CELF2: variants seen among roughly 807,000 people sequenced by gnomAD.
CELF2 encodes CUG triplet repeat RNA-binding protein 2.
In CELF2, 8 loss-of-function variants were observed where a neutral mutation model predicts 62.6. The observed-to-expected ratio is 0.13, with a 90% CI of 0.07 to 0.23. CELF2 has a LOEUF of 0.23. Among genes scored for constraint, CELF2 ranks in the 10% least tolerant of loss-of-function variants. The pLI is 1.00. For missense variants in CELF2, 333 were observed against 671.0 expected (o/e 0.50, Z 5.56); for synonymous variants, 258 against 250.0 (o/e 1.03, Z -0.30).
intron 2 of CELF2, among the ~76,000 whole-genome samples, chr10:11,205,390 C>T (rs73577498): frequency 0.018 from 2,703 of 152,304 alleles, 82 homozygotes; most frequent in African/African-American, 0.062. Flanking sequence ...TAGGGCTCAG[C>T]GCTCTATGGA....
chr10:11,241,551 G>C, intron 3 of CELF2, among the ~76,000 whole-genome samples: 1 of 152,196 alleles, frequency 6.6e-6, no homozygotes, highest in African/African-American at 2.4e-5. Flanking sequence ...TATTCTTTTA[G>C]AGATGTCCTT....
Position 11,247,330 on chromosome 10 carries a change from G to A in CELF2, c.355-1823G>A, listed in dbSNP as rs2075893192. Reference sequence around the variant, plus strand: ...CTCACACTGGGAGCTCCCTGTGAGAGGGAACTGTCACCCTTCCACTTCCTG... The same window carrying A: ...CTCACACTGGGAGCTCCCTGTGAGAAGGAACTGTCACCCTTCCACTTCCTG... On this transcript the variant is annotated intron_variant, in intron 3 of 12. Transcript: ENST00000633077. The surrounding 1 kb of genome is among the most constrained non-coding windows in gnomAD (Gnocchi z 5.4). 6.6e-6 allele frequency among the ~76,000 whole-genome samples: 1 copy of A among 152,230 alleles called. No homozygotes were observed. The highest frequency in any genetic ancestry group is 6.5e-5 in the Admixed American group (1 of 15,290).
chr10:10,968,489 T>C (rs894894833), intron 2 of CELF2, among the ~76,000 whole-genome samples: 2 of 152,230 alleles, frequency 1.3e-5, no homozygotes, highest in African/African-American at 4.8e-5. Flanking sequence ...GAGCACTTAT[T>C]GTTTCTAAAA....
rs1010907897 is a variant in CELF2, at chr10:11,184,655, G to A, written c.271+18973G>A. On this transcript the variant is annotated intron_variant, in intron 2 of 12. Coordinates refer to ENST00000633077, the MANE Select transcript of CELF2 (RefSeq NM_001326342.2). The stretch of plus-strand genomic sequence containing the variant: ...TATCCCTAGGTGTTTTATATTTTCC[G>A]TGGTCTTCTAACTAATTTTATTCTA... Among the ~76,000 whole-genome samples, 4 of 152,206 alleles carry A rather than the reference G, an allele frequency of 2.6e-5. 1 individual carries two copies. Among genetic ancestry groups the A allele is most frequent in the Admixed American group, 2.0e-4 (3 of 15,296 alleles).
rs1306085125 is a variant in CELF2, at chr10:11,334,217, G to T, written c.*5164G>T. On this transcript the variant is annotated 3_prime_UTR_variant, in exon 13 of 13. Transcript: ENST00000633077. Reference sequence around the variant, plus strand: ...TTAGGGTTTGCTTTTTTGCTGTTTAGATCAAAGTTTTTTCTGATTCTTCTG... The same window carrying T: ...TTAGGGTTTGCTTTTTTGCTGTTTATATCAAAGTTTTTTCTGATTCTTCTG... The T allele has an allele frequency of 6.6e-6, 1 of 152,620 alleles. No homozygotes were observed. The highest frequency in any genetic ancestry group is 1.5e-5 in the Non-Finnish European group (1 of 68,034). 9.5% of individuals were successfully genotyped at this position (152,620 alleles called of 1,614,324 possible). A position where few individuals can be genotyped will look rare whatever the true frequency, so the allele number is the denominator to read the frequency against.
At chr10:11,320,660 G>A (rs1300738527) in intron 10 of CELF2, among the ~76,000 whole-genome samples, 2 of 152,068 alleles carry the variant, frequency 1.3e-5, no homozygotes, top group African/African-American at 2.4e-5. Flanking sequence ...CACTGGTTCC[G>A]AGAGTACAGA....
chr10:10,556,181 C>T, the CELF2 span, among the ~76,000 whole-genome samples: 1 of 152,090 alleles, frequency 6.6e-6, no homozygotes, highest in African/African-American at 2.4e-5. Flanking sequence ...ATCCCTCCTC[C>T]CTCCCCCCAC....
At chr10:10,944,858 C>T (rs1295528983) in intron 2 of CELF2, among the ~76,000 whole-genome samples, 1 of 152,178 alleles carries the variant, frequency 6.6e-6, no homozygotes, top group African/African-American at 2.4e-5. Context: ...CTGCCTCAGC[C>T]TCCCAAAGTG....
chr10:11,038,084 C>G (rs112897015), intron 1 of CELF2, among the ~76,000 whole-genome samples: 3 of 152,298 alleles, frequency 2.0e-5, no homozygotes, highest in African/African-American at 4.8e-5. Flanking sequence ...CCAATTGTTG[C>G]TGCTGGTGAT....
chr10:11,043,377 G>T (rs573107594), intron 1 of CELF2, among the ~76,000 whole-genome samples: 3 of 152,190 alleles, frequency 2.0e-5, no homozygotes, highest in Non-Finnish European at 4.4e-5. Flanking sequence ...ATAATAATTG[G>T]TCTGGAATTA....
upstream of CELF2, chr10:11,005,317 G>GC (rs1229894375): frequency 4.2e-5 from 67 of 1,611,192 alleles, no homozygotes; most frequent in Non-Finnish European, 5.4e-5. The surrounding 1 kb of genome is among the most constrained non-coding windows in gnomAD (Gnocchi z 4.3). Context: ...GCGTTAGTGA[G>GC]CAGCGACTGT....
At chr10:10,548,508 T>C in the CELF2 span, among the ~76,000 whole-genome samples, 1 of 152,200 alleles carries the variant, frequency 6.6e-6, no homozygotes, top group Non-Finnish European at 1.5e-5. Flanking sequence ...TTTAGTATGT[T>C]TGCCATTTTT....
rs1477319224 is a variant in CELF2 at position 11,220,172 on chromosome 10, TTGC to T, written c.354+2669_354+2671del. Among the ~76,000 whole-genome samples the T allele has an allele frequency of 6.6e-6, 1 of 152,250 alleles. No individual in the cohort carries two copies. The highest frequency in any genetic ancestry group is 2.4e-5 in the African/African-American group (1 of 41,472). ...TGGATAAAATCCATTAAAAAGTCAC[TTGC>T]TGCCTTTTTTCTAAAGTGTCCAAAA... On this transcript the variant is annotated intron_variant, in intron 3 of 12. Coordinates refer to ENST00000633077, the MANE Select transcript of CELF2 (RefSeq NM_001326342.2). This position sits in a 1 kb window ranked among gnomAD's most constrained non-coding sequence, Gnocchi z 4.4.
chr10:11,267,759 A>G lies in CELF2; in HGVS notation c.618+1082A>G, dbSNP rs1055036061. On this transcript the variant is annotated intron_variant, in intron 6 of 12. Coordinates refer to ENST00000633077, the MANE Select transcript of CELF2 (RefSeq NM_001326342.2). This position sits in a 1 kb window ranked among gnomAD's most constrained non-coding sequence, Gnocchi z 4.4. ...GGGAGCTAAGTGATCATTATGCGTC[A>G]TGTTTTGTGGGCAACTTTTTTTATA... 2.0e-5 allele frequency among the ~76,000 whole-genome samples: 3 copies of G among 152,086 alleles called. No homozygotes were observed. Among genetic ancestry groups the G allele is most frequent in the Non-Finnish European group, 2.9e-5 (2 of 67,990 alleles).
chr10:11,264,961 T>G (rs964508473), intron 5 of CELF2, among the ~76,000 whole-genome samples: 8 of 152,342 alleles, frequency 5.3e-5, no homozygotes, highest in Admixed American at 2.0e-4. Context: ...CTGAGAGTTT[T>G]TGTGTGTTAA....
chr10:10,470,996 C>T, the CELF2 span, among the ~76,000 whole-genome samples: 9 of 151,368 alleles, frequency 5.9e-5, no homozygotes, highest in African/African-American at 1.9e-4. Context: ...TGTCTAATTT[C>T]TTATGAAATT....
At chr10:10,860,549 A>T (rs1384205184) in intron 1 of CELF2, among the ~76,000 whole-genome samples, 1 of 152,236 alleles carries the variant, frequency 6.6e-6, no homozygotes, top group Non-Finnish European at 1.5e-5. Context: ...GGCAAAACTC[A>T]ATTTTAATTC....
chr10:11,055,198 C>T (rs75300055), intron 1 of CELF2, among the ~76,000 whole-genome samples: 2 of 152,230 alleles, frequency 1.3e-5, no homozygotes, highest in African/African-American at 2.4e-5. Flanking sequence ...TGATACTTCA[C>T]ATGTATTTTC....
chr10:11,196,232 G>A (rs2399659), intron 2 of CELF2, among the ~76,000 whole-genome samples: 21,454 of 152,270 alleles, frequency 0.14, 2,839 homozygotes, highest in East Asian at 0.65. Context: ...CGTCTTTCTC[G>A]AGGAAGAAAA....
Sources: gnomAD v4.1 joint callset for allele counts (sites outside exome capture counted in the v4.1 genomes callset) on GRCh38, gnomAD v4.1.1 for gene constraint, Gnocchi (gnomAD v3.1) non-coding constraint, MANE v1.5 for transcripts, NCBI Gene and HGNC (gene_info 2026-07-23, HGNC 2026-07-21) for gene names.